Variants in COMMD1 observed in about 807,000 individuals in gnomAD.
The protein encoded by COMMD1 is COMM domain-containing protein 1.
COMMD1 carries 10 observed loss-of-function variants against 17.2 expected under a neutral mutation model. That is an observed-to-expected ratio of 0.58 (90% CI 0.36 to 0.99). The LOEUF (loss-of-function observed/expected upper bound fraction) is 0.99. Ranked by LOEUF, COMMD1 falls within the 50% of genes least tolerant of loss-of-function variation. The probability of loss-of-function intolerance (pLI) is 0.01; values close to 1 mark genes in which losing one functional copy is unlikely to be tolerated. For synonymous variants in COMMD1, 97 were observed against 91.6 expected, an observed-to-expected ratio of 1.06 and a Z score of -0.34; for missense variants, 270 against 231.8, an observed-to-expected ratio of 1.17 and a Z score of -1.07.
intron 1 of COMMD1, 107 bp from the exon 2 acceptor site, chr2:62,000,593 AT>A (rs1402671260): frequency 9.3e-7 from 1 of 1,076,630 alleles, no homozygotes; most frequent in Non-Finnish European, 1.4e-6. Flanking sequence ...TGTCTGGGCT[AT>A]TTCAGTGATT....
chr2:61,898,401 G>A (rs575135633), intron 1 of COMMD1, among the ~76,000 whole-genome samples: 1 of 152,194 alleles, frequency 6.6e-6, no homozygotes, highest in Admixed American at 6.5e-5. Context: ...GCTTGAGCCA[G>A]GGAGGTTGGG....
intron 2 of COMMD1, among the ~76,000 whole-genome samples, chr2:62,088,845 C>T (rs1348060666): frequency 6.6e-6 from 1 of 152,156 alleles, no homozygotes; most frequent in South Asian, 2.1e-4. Context: ...GGGGGTACAG[C>T]TTGGATTTAT....
intron 1 of COMMD1, among the ~76,000 whole-genome samples, chr2:61,996,084 A>C (rs1668747513): frequency 6.6e-6 from 1 of 152,152 alleles, no homozygotes; most frequent in Admixed American, 6.6e-5. Context: ...ATACTTTATT[A>C]CTATTCAAGA....
intron 2 of COMMD1, among the ~76,000 whole-genome samples, chr2:62,130,559 T>C (rs1673002722): frequency 6.6e-6 from 1 of 152,226 alleles, no homozygotes; most frequent in African/African-American, 2.4e-5. Context: ...GCCAATGTTG[T>C]ATTATAATCC....
At chr2:62,019,347 G>A (rs1230125340) in intron 2 of COMMD1, among the ~76,000 whole-genome samples, 2 of 151,754 alleles carry the variant, frequency 1.3e-5, no homozygotes, top group Non-Finnish European at 2.9e-5. Context: ...CTAATTTTTT[G>A]TATTTTTAGT....
intron 1 of COMMD1, among the ~76,000 whole-genome samples, chr2:61,991,089 CAAAAG>C: frequency 6.7e-6 from 1 of 149,608 alleles, no homozygotes; most frequent in Admixed American, 6.6e-5. Context: ...GATCCTGTCT[CAAAAG>C]AAAAAAAAAA....
At chr2:62,020,683 T>A (rs973276437) in intron 2 of COMMD1, among the ~76,000 whole-genome samples, 1 of 152,136 alleles carries the variant, frequency 6.6e-6, no homozygotes, top group Non-Finnish European at 1.5e-5. Context: ...TGAGAGGCAA[T>A]AGCTTTTAGC....
intron 1 of COMMD1, among the ~76,000 whole-genome samples, chr2:61,964,013 G>A (rs9309342): frequency 0.12 from 17,492 of 152,056 alleles, 2,384 homozygotes; most frequent in African/African-American, 0.33. Context: ...CCTCTTCTTC[G>A]GTTTCCAACC....
intron 2 of COMMD1, among the ~76,000 whole-genome samples, chr2:62,064,933 G>A (rs906237042): frequency 9.9e-5 from 15 of 152,126 alleles, no homozygotes; most frequent in African/African-American, 3.6e-4. Flanking sequence ...TTTGGAGGCC[G>A]AGGCAGATAG....
chr2:61,978,911 CAG>C (rs1671876411), intron 1 of COMMD1, among the ~76,000 whole-genome samples: 1 of 152,130 alleles, frequency 6.6e-6, no homozygotes, highest in Non-Finnish European at 1.5e-5. Flanking sequence ...ATAATCATAT[CAG>C]GGGAAATGGG....
chr2:62,110,520 G>A (rs747315861), intron 2 of COMMD1, among the ~76,000 whole-genome samples: 11 of 152,146 alleles, frequency 7.2e-5, no homozygotes, highest in African/African-American at 1.7e-4. Flanking sequence ...CAAGTCAAAC[G>A]TTAGCTGCTT....
chr2:62,059,840 A>G (rs1330056726), intron 2 of COMMD1, among the ~76,000 whole-genome samples: 1 of 152,048 alleles, frequency 6.6e-6, no homozygotes, highest in Non-Finnish European at 1.5e-5. Context: ...TGCTTACTCC[A>G]TTTGTGTTTA....
In COMMD1 at chr2:62,100,767, A is replaced by T. The variant is rs545748355; in HGVS notation, c.463-35064A>T. Among the ~76,000 whole-genome samples, 6 of 152,242 alleles carry T rather than the reference A, an allele frequency of 3.9e-5. No individual in the cohort carries two copies. The South Asian group carries it at 1.2e-3, about 32-fold the overall frequency. On this transcript the variant is annotated intron_variant, in intron 2 of 2. Transcript: ENST00000311832. Reference sequence around the variant, plus strand: ...TAGATGAAAAATATTTCCTATTCGGATCTTTAAAAGGTACTAGACTTTAGC... The same window carrying T: ...TAGATGAAAAATATTTCCTATTCGGTTCTTTAAAAGGTACTAGACTTTAGC...
intron 1 of COMMD1, among the ~76,000 whole-genome samples, chr2:61,975,121 T>G (rs1193664883): frequency 8.8e-6 from 1 of 113,784 alleles, no homozygotes; most frequent in African/African-American, 5.8e-5. Context: ...TTTCTTTCTT[T>G]TTTTTTTTTT....
intron 1 of COMMD1, among the ~76,000 whole-genome samples, chr2:61,899,622 A>G (rs1669617882): frequency 6.6e-6 from 1 of 152,114 alleles, no homozygotes; most frequent in African/African-American, 2.4e-5. Context: ...CTACACATAC[A>G]TTTGAGTAGG....
intron 2 of COMMD1, among the ~76,000 whole-genome samples, chr2:62,086,263 A>C (rs891225028): frequency 7.9e-5 from 12 of 152,060 alleles, no homozygotes; most frequent in African/African-American, 2.9e-4. Context: ...TAAACCCAGC[A>C]CTTTGGGAGG....
chr2:62,109,919 CTTTTT>C (rs11345736), intron 2 of COMMD1, among the ~76,000 whole-genome samples: 1 of 73,854 alleles, frequency 1.4e-5, no homozygotes, highest in Non-Finnish European at 2.4e-5. Context: ...TTATCTTGAT[CTTTTT>C]TTTTTTTTTT....
At chr2:61,955,772 G>A (rs752150584) in intron 1 of COMMD1, among the ~76,000 whole-genome samples, 4 of 152,142 alleles carry the variant, frequency 2.6e-5, no homozygotes, top group East Asian at 3.9e-4. Context: ...TGCAACCTCC[G>A]CCTCCTGGGT....
At chr2:62,049,257 A>G (rs923242371) in intron 2 of COMMD1, among the ~76,000 whole-genome samples, 2 of 151,856 alleles carry the variant, frequency 1.3e-5, no homozygotes, top group Non-Finnish European at 2.9e-5. Flanking sequence ...AAGGAATCCC[A>G]CAAATGTGTG....
Sources: gnomAD v4.1 joint callset for allele counts (sites outside exome capture counted in the v4.1 genomes callset) on GRCh38, gnomAD v4.1.1 for gene constraint, MANE v1.5 for transcripts, NCBI Gene and HGNC (gene_info 2026-07-23, HGNC 2026-07-21) for gene names.